PC: variants seen among roughly 807,000 people sequenced by gnomAD.
PC encodes the protein pyruvate carboxylase, also known as pyruvate carboxylase, mitochondrial.
In PC, 46 loss-of-function variants were observed where a neutral mutation model predicts 107.8. The observed-to-expected ratio is 0.43, with a 90% confidence interval of 0.34 to 0.55. The LOEUF is 0.55. PC is among the 20% of genes least tolerant of loss of function. The pLI, the probability that PC is intolerant of heterozygous loss-of-function variation, is 0.04. For synonymous variants in PC, 662 were observed against 684.7 expected (o/e 0.97, Z 0.52); for missense variants, 1,241 against 1,643.1 (o/e 0.76, Z 4.23).
rs1946674685 is a variant in PC at position 66,870,382 on chromosome 11, C to T, written c.823G>A (p.Val275Ile). Reference sequence around the variant, plus strand: ...AGGTGGGCGGCGGGGGCAATCTCGACCACCTTCTGGTGCCGCCGCTGGATG... The same window carrying T: ...AGGTGGGCGGCGGGGGCAATCTCGATCACCTTCTGGTGCCGCCGCTGGATG... ...CSIQRRHQKV[V>I]EIAPAAHLDP... Residue 275 changes from valine to isoleucine, a missense_variant, in exon 9 of 23, where the codon GTC (valine) becomes ATC (isoleucine). Transcript: ENST00000393960. The surrounding 1 kb of genome is among the most constrained non-coding windows in gnomAD (Gnocchi z 6.1). 1.9e-6 allele frequency: 3 copies of T among 1,613,688 alleles called. No homozygotes were observed. Among genetic ancestry groups the T allele is most frequent in the Non-Finnish European group, 2.5e-6 (3 of 1,180,010 alleles).
intron 12 of PC, chr11:66,860,573 C>A (rs577821978): frequency 1.4e-6 from 1 of 701,228 alleles, no homozygotes; most frequent in South Asian, 1.5e-5. Context: ...CTACCAGGGC[C>A]GGTGGGGGCA....
intron 3 of PC, among the ~76,000 whole-genome samples, chr11:66,885,880 T>C (rs1419317657): frequency 6.6e-6 from 1 of 152,226 alleles, no homozygotes; most frequent in Non-Finnish European, 1.5e-5. Flanking sequence ...AGGAATCTAA[T>C]ACACCCAGGT....
intron 12 of PC, among the ~76,000 whole-genome samples, chr11:66,856,270 T>C (rs1016170093): frequency 2.0e-5 from 3 of 152,316 alleles, no homozygotes; most frequent in Admixed American, 6.5e-5. Flanking sequence ...AGCTTCCCAA[T>C]GCGTGCCCCC....
At chr11:66,910,020 CAATT>C (rs755636354) in intron 3 of PC, among the ~76,000 whole-genome samples, 35 of 152,282 alleles carry the variant, frequency 2.3e-4, no homozygotes, top group South Asian at 4.1e-4. Context: ...AAAAATTCAA[CAATT>C]AACCTTCCAT....
intron 3 of PC, among the ~76,000 whole-genome samples, chr11:66,882,587 T>C (rs757641736): frequency 2.0e-5 from 3 of 152,056 alleles, no homozygotes; most frequent in Non-Finnish European, 4.4e-5. Context: ...CCAACAAAGC[T>C]CCACACACCT....
intron 3 of PC, among the ~76,000 whole-genome samples, chr11:66,892,343 C>T (rs570454716): frequency 6.6e-6 from 1 of 152,250 alleles, no homozygotes; most frequent in Non-Finnish European, 1.5e-5. Context: ...CCTGGGATGA[C>T]TAAGAGCTTT....
At chr11:66,948,491 T>A (rs1253292317) in intron 3 of PC, among the ~76,000 whole-genome samples, 2 of 152,182 alleles carry the variant, frequency 1.3e-5, no homozygotes, top group East Asian at 3.8e-4. Context: ...TGTTAAAACT[T>A]ACTAAACTGT....
At chr11:66,851,407 G>GGT in intron 16 of PC, 127 bp from the exon 17 acceptor site, 1 of 1,406,248 alleles carries the variant, frequency 7.1e-7, no homozygotes, top group South Asian at 1.2e-5. Context: ...CCTGGCAGGG[G>GGT]GTGTGGCATC....
intron 3 of PC, among the ~76,000 whole-genome samples, chr11:66,882,737 G>A (rs1013137151): frequency 1.5e-4 from 23 of 152,202 alleles, no homozygotes; most frequent in Non-Finnish European, 3.2e-4. Context: ...TCGGGGCTGC[G>A]GCGGTGGCAG....
intron 3 of PC, among the ~76,000 whole-genome samples, chr11:66,903,973 ACCCAGCACCATG>A (rs1327976576): frequency 1.3e-5 from 2 of 150,874 alleles, no homozygotes; most frequent in Non-Finnish European, 3.0e-5. Context: ...GATTACAGAC[ACCCAGCACCATG>A]CCCAGCTACA....
chr11:66,878,334 A>C (rs1947058504), intron 3 of PC, among the ~76,000 whole-genome samples: 1 of 152,152 alleles, frequency 6.6e-6, no homozygotes, highest in Admixed American at 6.5e-5. Context: ...TAAACAGGTC[A>C]TTTTTGTTGC....
At chr11:66,907,053 A>G (rs528146238) in intron 3 of PC, among the ~76,000 whole-genome samples, 125 of 152,344 alleles carry the variant, frequency 8.2e-4, no homozygotes, top group African/African-American at 2.9e-3. Flanking sequence ...GCTGGAGCAC[A>G]GCACACGAAG....
rs1949263709 is a variant in PC at position 66,945,629 on chromosome 11, C to T, written c.-1+6801G>A. Among the ~76,000 whole-genome samples the T allele has an allele frequency of 1.7e-5, 2 of 116,332 alleles. 1 individual carries two copies. The highest frequency in any genetic ancestry group is 6.2e-5 in the African/African-American group (2 of 32,374). The allele number at this position is 116,332 out of a possible 152,430, so 76.3% of individuals were successfully genotyped here. A position where few individuals can be genotyped will look rare whatever the true frequency, so the allele number is the denominator to read the frequency against. The stretch of plus-strand genomic sequence containing the variant: ...CTTTAATTATAAAGAAAATGTCATC[C>T]AGTTGAGAAAGAAAGGCCAAAAGTT... On this transcript the variant is annotated intron_variant, in intron 3 of 22. Coordinates refer to ENST00000393960, the MANE Select transcript of PC (RefSeq NM_001040716.2).
At chr11:66,908,430 A>T (rs183902609) in intron 3 of PC, among the ~76,000 whole-genome samples, 50 of 152,142 alleles carry the variant, frequency 3.3e-4, no homozygotes, top group African/African-American at 1.1e-3. Flanking sequence ...ACGATTTATC[A>T]GCAAGCAGAT....
intron 16 of PC, 144 bp from the exon 17 acceptor site, chr11:66,851,424 CG>C: frequency 1.1e-5 from 14 of 1,241,840 alleles, no homozygotes; most frequent in African/African-American, 3.0e-5. Context: ...CATCCACAGG[CG>C]GGGGGTGGCC....
At chr11:66,876,652 C>T (rs1402326928) in intron 3 of PC, among the ~76,000 whole-genome samples, 1 of 152,188 alleles carries the variant, frequency 6.6e-6, no homozygotes, top group Non-Finnish European at 1.5e-5. Flanking sequence ...TCCTCTAAGC[C>T]CTGCTCCAGG....
At chr11:66,850,624 G>T in intron 18 of PC, 50 bp downstream of exon 18, 4 of 1,602,300 alleles carry the variant, frequency 2.5e-6, no homozygotes, top group Non-Finnish European at 3.4e-6. Context: ...GGGACTGGTG[G>T]TGGCTGCGGC....
chr11:66,926,848 G>A (rs1208353785), intron 3 of PC, among the ~76,000 whole-genome samples: 4 of 151,408 alleles, frequency 2.6e-5, no homozygotes, highest in Non-Finnish European at 5.9e-5. Context: ...TTAGCACAAT[G>A]TTTTCATGGT....
At chr11:66,938,658 G>A (rs1226737127) in intron 3 of PC, among the ~76,000 whole-genome samples, 1 of 151,882 alleles carries the variant, frequency 6.6e-6, no homozygotes, top group East Asian at 1.9e-4. Context: ...CAAATTGTTG[G>A]TATAGCATTC....
Sources: allele counts gnomAD v4.1 joint callset (sites outside exome capture counted in the v4.1 genomes callset), GRCh38; gene constraint gnomAD v4.1.1; non-coding constraint Gnocchi (gnomAD v3.1); transcripts MANE v1.5; gene names NCBI Gene and HGNC (gene_info 2026-07-23, HGNC 2026-07-21).